Variants in GRID1 observed in about 807,000 individuals in gnomAD.
GRID1 encodes glutamate ionotropic receptor delta type subunit 1.
A neutral mutation model predicts 98.0 loss-of-function variants in GRID1; 28 were observed. The observed-to-expected ratio is 0.29, with a 90% CI of 0.21 to 0.39. The LOEUF is 0.39. GRID1 is among the 10% of genes least tolerant of loss of function. GRID1 has a pLI of 1.00. For missense variants in GRID1, 1,111 were observed against 1,340.5 expected (o/e 0.83, Z 2.67); for synonymous variants, 553 against 538.5 (o/e 1.03, Z -0.37).
intron 5 of GRID1, among the ~76,000 whole-genome samples, chr10:85,911,825 T>C (rs745434019): frequency 6.6e-6 from 1 of 152,186 alleles, no homozygotes; most frequent in Non-Finnish European, 1.5e-5. Flanking sequence ...CTGACTCTCC[T>C]GGCATCTGCT....
intron 4 of GRID1, among the ~76,000 whole-genome samples, chr10:86,021,650 C>A (rs1056114760): frequency 2.0e-5 from 3 of 152,208 alleles, no homozygotes; most frequent in East Asian, 1.9e-4. Context: ...TGCCTCAGTA[C>A]CATGTTTGTT....
intron 2 of GRID1, among the ~76,000 whole-genome samples, chr10:86,357,003 G>C (rs918459555): frequency 6.6e-6 from 1 of 152,248 alleles, no homozygotes; most frequent in Non-Finnish European, 1.5e-5. Flanking sequence ...AGAGGTGACT[G>C]TGAGTGCTGA....
intron 4 of GRID1, among the ~76,000 whole-genome samples, chr10:85,970,240 T>C (rs1425165554): frequency 6.6e-6 from 1 of 151,982 alleles, no homozygotes; most frequent in African/African-American, 2.4e-5. Context: ...TTCAAATATT[T>C]AAAGAAGATT....
intron 4 of GRID1, among the ~76,000 whole-genome samples, chr10:85,958,205 CT>C: frequency 6.6e-6 from 1 of 152,292 alleles, no homozygotes. Context: ...CCATGAGTAA[CT>C]TTTTTACTGA....
intron 4 of GRID1, among the ~76,000 whole-genome samples, chr10:86,083,683 C>T (rs1047726295): frequency 2.0e-5 from 3 of 152,264 alleles, no homozygotes; most frequent in South Asian, 2.1e-4. Context: ...TAAGTTATGT[C>T]GCTATCTTCA....
intron 2 of GRID1, among the ~76,000 whole-genome samples, chr10:86,270,165 T>A (rs1364627156): frequency 6.6e-6 from 1 of 152,170 alleles, no homozygotes; most frequent in Non-Finnish European, 1.5e-5. Flanking sequence ...AAAACAATGA[T>A]AAACTCTTTC....
intron 5 of GRID1, among the ~76,000 whole-genome samples, chr10:85,903,016 G>T (rs190489207): frequency 6.6e-6 from 1 of 151,958 alleles, no homozygotes; most frequent in African/African-American, 2.4e-5. Context: ...GGGCCTCTTC[G>T]CATTTTTAGT....
intron 3 of GRID1, among the ~76,000 whole-genome samples, chr10:86,188,298 A>T (rs1845753563): frequency 6.6e-6 from 1 of 152,206 alleles, no homozygotes; most frequent in East Asian, 1.9e-4. Flanking sequence ...CCGTTCAGCT[A>T]TGCTGATGCC....
chr10:86,152,783 C>T (rs948371999), intron 3 of GRID1, among the ~76,000 whole-genome samples: 24 of 152,210 alleles, frequency 1.6e-4, no homozygotes, highest in Admixed American at 1.5e-3. Flanking sequence ...GGGCAGGCTG[C>T]TCGGAACAGC....
intron 12 of GRID1, among the ~76,000 whole-genome samples, chr10:85,680,204 C>A (rs1352277359): frequency 6.6e-6 from 1 of 152,158 alleles, no homozygotes. Flanking sequence ...AAGGGCCCAG[C>A]TTAACACCCT....
chr10:86,174,074 T>A (rs1845536097), intron 3 of GRID1, among the ~76,000 whole-genome samples: 1 of 152,182 alleles, frequency 6.6e-6, no homozygotes, highest in Non-Finnish European at 1.5e-5. Flanking sequence ...TGACTTATAG[T>A]CCTTTGGGTA....
chr10:86,138,362 C>T (rs1012542685), intron 4 of GRID1, among the ~76,000 whole-genome samples: 4 of 152,144 alleles, frequency 2.6e-5, no homozygotes, highest in African/African-American at 7.2e-5. Context: ...AAAATAAGAA[C>T]ATCTAATGTA....
At chr10:86,058,341 T>C (rs2352428) in intron 4 of GRID1, among the ~76,000 whole-genome samples, 6,655 of 152,268 alleles carry the variant, frequency 0.044, 169 homozygotes, top group Middle Eastern at 0.068. Flanking sequence ...CATGCTGACA[T>C]GAGAGCTATC....
At chr10:85,897,440 G>C (rs879484600) in intron 5 of GRID1, among the ~76,000 whole-genome samples, 17 of 152,210 alleles carry the variant, frequency 1.1e-4, no homozygotes, top group Admixed American at 5.2e-4. Context: ...GAGGGAACCA[G>C]AGGAGAAGCC....
At chr10:85,970,128 A>T (rs958074497) in intron 4 of GRID1, among the ~76,000 whole-genome samples, 2 of 152,100 alleles carry the variant, frequency 1.3e-5, no homozygotes, top group African/African-American at 4.8e-5. Flanking sequence ...AAAGAAACAG[A>T]ATTCCTGAAT....
chr10:86,121,526 T>C (rs61857778), intron 4 of GRID1, among the ~76,000 whole-genome samples: 8 of 648 alleles, frequency 0.012, no homozygotes, highest in Non-Finnish European at 0.014. Context: ...ACTACCATCA[T>C]CACCATCATC....
At chr10:85,866,303 C>CAA (rs201164587) in intron 6 of GRID1, among the ~76,000 whole-genome samples, 2,354 of 65,320 alleles carry the variant, frequency 0.036, 96 homozygotes, top group African/African-American at 0.12. Context: ...TAAATCACAC[C>CAA]AAAAAAAAAA....
At chr10:86,353,452 A>C (rs1419959134) in intron 2 of GRID1, among the ~76,000 whole-genome samples, 2 of 151,862 alleles carry the variant, frequency 1.3e-5, no homozygotes, top group Admixed American at 6.6e-5. Flanking sequence ...AGCACTGCCC[A>C]CCACACCAGA....
chr10:85,684,513 A>G (rs550386503), intron 12 of GRID1, among the ~76,000 whole-genome samples: 58 of 152,218 alleles, frequency 3.8e-4, no homozygotes, highest in Non-Finnish European at 7.5e-4. Flanking sequence ...ATATAGAAAA[A>G]GCATTTTATA....
Sources: allele counts gnomAD v4.1 joint callset (sites outside exome capture counted in the v4.1 genomes callset), GRCh38; gene constraint gnomAD v4.1.1; transcripts MANE v1.5; gene names NCBI Gene and HGNC (gene_info 2026-07-23, HGNC 2026-07-21).